The following CNTNAP5 variants were observed in gnomAD, a reference collection of about 807,000 sequenced individuals.
CNTNAP5 encodes the protein contactin-associated protein-like 5.
A neutral mutation model predicts 150.2 loss-of-function variants in CNTNAP5; 72 were observed. That is an observed-to-expected ratio of 0.48 (90% CI 0.40 to 0.58). The LOEUF (loss-of-function observed/expected upper bound fraction) is 0.58. CNTNAP5 is among the 20% of genes least tolerant of loss of function. The pLI, the probability that CNTNAP5 is intolerant of heterozygous loss-of-function variation, is 0.00. For synonymous variants in CNTNAP5, 672 were observed against 619.8 expected (o/e 1.08, Z -1.25); for missense variants, 1,636 against 1,626.2 (o/e 1.01, Z -0.10).
chr2:124,590,890 T>A (rs1696663110), intron 11 of CNTNAP5, among the ~76,000 whole-genome samples: 1 of 152,208 alleles, frequency 6.6e-6, no homozygotes, highest in South Asian at 2.1e-4. Context: ...TTTCGCTGTC[T>A]GAATACTATC....
intron 12 of CNTNAP5, among the ~76,000 whole-genome samples, chr2:124,638,279 G>T (rs986045004): frequency 3.4e-4 from 50 of 147,284 alleles, no homozygotes; most frequent in Non-Finnish European, 1.5e-5. Context: ...AGCAATGTCA[G>T]TATATTTACC....
At chr2:124,400,678 T>G (rs1691391687) in intron 3 of CNTNAP5, among the ~76,000 whole-genome samples, 1 of 105,914 alleles carries the variant, frequency 9.4e-6, no homozygotes, top group Non-Finnish European at 2.3e-5. Flanking sequence ...TGTTTTTTTT[T>G]TTTTTTTTTT....
intron 3 of CNTNAP5, among the ~76,000 whole-genome samples, chr2:124,337,274 C>A (rs1349470328): frequency 2.6e-5 from 4 of 151,966 alleles, no homozygotes; most frequent in African/African-American, 9.7e-5. Flanking sequence ...AGATATTAGC[C>A]CTTTGTCAGA....
rs377075765 is a variant in CNTNAP5 at position 124,772,935 on chromosome 2, G to A, written c.2670G>A (p.Gln890=). Residue 890 remains glutamine, a synonymous_variant, in exon 17 of 24, where the codon CAG becomes CAA. Transcript: ENST00000682447. The part of the protein sequence containing the change: ...AERNLKETSL[Q]VDNLPRSTRE... ...GGAACCTCAAGGAGACCTCCCTGCAGGTGGACAACCTTCCAAGGAGCACCA... is the reference window on the plus strand; with the variant it reads ...GGAACCTCAAGGAGACCTCCCTGCAAGTGGACAACCTTCCAAGGAGCACCA... 8 of 1,613,662 alleles carry A rather than the reference G, an allele frequency of 5.0e-6. No homozygotes were observed. The African/African-American group carries it at 9.3e-5, about 19-fold the overall frequency.
rs1677704841 is a variant in CNTNAP5 at position 124,869,702 on chromosome 2, A to G, written c.3376A>G (p.Asn1126Asp). The G allele has an allele frequency of 6.2e-7, 1 of 1,612,264 alleles. No homozygotes were observed. The highest frequency in any genetic ancestry group is 8.5e-7 in the Non-Finnish European group (1 of 1,178,810). The change falls in exon 21 of 24, where the codon AAC (asparagine) becomes GAC (aspartate). Residue 1126 changes from asparagine (N) to aspartate (D), a missense_variant. Coordinates refer to ENST00000682447, the MANE Select transcript of CNTNAP5 (RefSeq NM_001367498.1). The stretch of plus-strand genomic sequence containing the variant: ...GGACCAGCAACTTCGACTCAGTTAT[A>G]ACTTCTCTCCGGAAGTAGAGTTCAG... The part of the protein sequence containing the change: ...QMDQQLRLSY[N>D]FSPEVEFRVI...
intron 16 of CNTNAP5, among the ~76,000 whole-genome samples, chr2:124,766,533 G>A (rs922492292): frequency 3.3e-5 from 5 of 152,148 alleles, no homozygotes; most frequent in Non-Finnish European, 7.4e-5. Context: ...TTAATTGGTA[G>A]TTTTAACCTC....
intron 19 of CNTNAP5, among the ~76,000 whole-genome samples, chr2:124,844,908 T>C (rs1054185439): frequency 6.6e-6 from 1 of 152,052 alleles, no homozygotes; most frequent in Non-Finnish European, 1.5e-5. Context: ...TACAACCATA[T>C]CATCAGCAAA....
intron 17 of CNTNAP5, among the ~76,000 whole-genome samples, chr2:124,774,050 C>T (rs1267249696): frequency 6.6e-6 from 1 of 151,160 alleles, no homozygotes; most frequent in Non-Finnish European, 1.5e-5. Context: ...CTTTAAAGTA[C>T]AAAATCGAGC....
intron 1 of CNTNAP5, among the ~76,000 whole-genome samples, chr2:124,129,256 T>C (rs1248958359): frequency 6.6e-6 from 1 of 152,106 alleles, no homozygotes; most frequent in Non-Finnish European, 1.5e-5. Context: ...GAAAAAAAAG[T>C]AGATGAAGGT....
chr2:124,063,486 G>T (rs1024167653), intron 1 of CNTNAP5, among the ~76,000 whole-genome samples: 1 of 152,118 alleles, frequency 6.6e-6, no homozygotes, highest in Non-Finnish European at 1.5e-5. Context: ...AAATAAGAAG[G>T]TCTGGTTCTT....
chr2:124,543,731 A>G (rs1695443663), intron 10 of CNTNAP5, among the ~76,000 whole-genome samples: 1 of 152,126 alleles, frequency 6.6e-6, no homozygotes, highest in Non-Finnish European at 1.5e-5. Flanking sequence ...CAACATTGTT[A>G]TTCATTTGGC....
rs370500806 is a variant in CNTNAP5, at chr2:124,772,967, C to T, written c.2702C>T (p.Thr901Met). ...AACCTTCCAAGGAGCACCAGGGAGA[C>T]GTCGGAGGAGGGCCATTTTCGACTG... The part of the protein sequence containing the change: ...VDNLPRSTRE[T>M]SEEGHFRLQL... The change falls in exon 17 of 24, where the codon ACG becomes ATG. Residue 901 changes from threonine to methionine, a missense_variant. Physicochemically the swap from Thr to Met is moderately conservative, Grantham distance 81. Coordinates refer to ENST00000682447, the MANE Select transcript of CNTNAP5 (RefSeq NM_001367498.1). The T allele has an allele frequency of 7.7e-5, 124 of 1,613,486 alleles. No individual in the cohort carries two copies. The highest frequency in any genetic ancestry group is 7.4e-4 in the South Asian group (67 of 91,076).
At chr2:124,808,730 G>C (rs1044518227) in intron 19 of CNTNAP5, among the ~76,000 whole-genome samples, 1 of 152,168 alleles carries the variant, frequency 6.6e-6, no homozygotes, top group Non-Finnish European at 1.5e-5. Flanking sequence ...AGCAGATAAA[G>C]GAGGAAGGCT....
intron 3 of CNTNAP5, among the ~76,000 whole-genome samples, chr2:124,321,747 A>G (rs1471388170): frequency 6.6e-6 from 1 of 152,196 alleles, no homozygotes. Context: ...CCCAATTTCC[A>G]TTCTGAGTTT....
chr2:124,310,947 T>G (rs1688813557), intron 3 of CNTNAP5, among the ~76,000 whole-genome samples: 1 of 152,142 alleles, frequency 6.6e-6, no homozygotes, highest in Admixed American at 6.5e-5. Context: ...GACACTTTCA[T>G]GACTGTTTTT....
chr2:124,558,685 A>G (rs1455253534), intron 10 of CNTNAP5, among the ~76,000 whole-genome samples: 2 of 152,140 alleles, frequency 1.3e-5, no homozygotes, highest in South Asian at 2.1e-4. Context: ...CTTGATTCCT[A>G]CTGCTTTCAT....
At position 124,337,340 on chromosome 2, in the gene CNTNAP5, G is replaced by A. The variant is rs1573924897; in HGVS notation, c.382-80103G>A. Among the ~76,000 whole-genome samples, 4 of 152,198 alleles carry A rather than the reference G, an allele frequency of 2.6e-5. No homozygotes were observed. In the South Asian group the frequency reaches 6.2e-4, roughly 24 times the overall value. ...TTGTAGGTTGCCTGTTCACTCTGATGGTACTTTCTTTTGCTGCGCAGAAGC... is the reference window on the plus strand; with the variant it reads ...TTGTAGGTTGCCTGTTCACTCTGATAGTACTTTCTTTTGCTGCGCAGAAGC... On this transcript the variant is annotated intron_variant, in intron 3 of 23. Coordinates refer to ENST00000682447, the MANE Select transcript of CNTNAP5 (RefSeq NM_001367498.1).
chr2:124,656,552 G>A (rs1378796912), intron 13 of CNTNAP5, among the ~76,000 whole-genome samples: 1 of 152,126 alleles, frequency 6.6e-6, no homozygotes, highest in Non-Finnish European at 1.5e-5. Flanking sequence ...AGAAGTGGGT[G>A]GGTCTTACCA....
chr2:124,668,770 C>A (rs1460544502), intron 13 of CNTNAP5, among the ~76,000 whole-genome samples: 1 of 151,994 alleles, frequency 6.6e-6, no homozygotes, highest in Non-Finnish European at 1.5e-5. Context: ...TAGTAATTCA[C>A]GTCAATTAAC....
Sources: gnomAD v4.1 joint callset for allele counts (sites outside exome capture counted in the v4.1 genomes callset) on GRCh38, gnomAD v4.1.1 for gene constraint, MANE v1.5 for transcripts, NCBI Gene and HGNC (gene_info 2026-07-23, HGNC 2026-07-21) for gene names.